The following ANAPC1 variants were observed in gnomAD, a reference collection of about 807,000 sequenced individuals.
ANAPC1 encodes the protein anaphase promoting complex subunit 1.
Under a neutral mutation model 208.0 loss-of-function variants are expected in ANAPC1, and 36 were observed. That is an observed-to-expected ratio of 0.17 (90% CI 0.13 to 0.23). The LOEUF is 0.23. Among genes scored for constraint, ANAPC1 ranks in the 10% least tolerant of loss-of-function variants. ANAPC1 has a pLI of 1.00. For synonymous variants in ANAPC1, 378 were observed against 695.2 expected (o/e 0.54, Z 7.18); for missense variants, 942 against 2,011.6 (o/e 0.47, Z 10.17).
chr2:111,875,650 T>C (rs1291458916), intron 3 of ANAPC1, among the ~76,000 whole-genome samples: 1 of 152,132 alleles, frequency 6.6e-6, no homozygotes, highest in Non-Finnish European at 1.5e-5. Flanking sequence ...ACAAAATTGA[T>C]CGCTTCCATT....
chr2:111,860,165 G>A (rs190764625), intron 10 of ANAPC1, among the ~76,000 whole-genome samples: 13 of 151,902 alleles, frequency 8.6e-5, no homozygotes, highest in East Asian at 1.9e-4. Context: ...CAGGCGTGGC[G>A]GTGTGTGCTT....
rs1327982610 is a variant in ANAPC1, at chr2:111,797,993, C to T, written c.4296+2804G>A. Among the ~76,000 whole-genome samples, 19 of 128,588 alleles carry T rather than the reference C, an allele frequency of 1.5e-4. 1 individual carries two copies. The highest frequency in any genetic ancestry group is 8.0e-5 in the Admixed American group (1 of 12,434). 84.4% of individuals were successfully genotyped at this position (128,588 alleles called of 152,430 possible). ...GGTCTATCTGCGCCAAGAAAGATGG[C>T]AAAAGCTACAATTAAAAGCTCATAA... On this transcript the variant is annotated intron_variant, in intron 34 of 47. Transcript: ENST00000341068.
At chr2:111,831,097 C>T (rs1230537689) in intron 21 of ANAPC1, among the ~76,000 whole-genome samples, 189 bp downstream of exon 21, 1 of 152,116 alleles carries the variant, frequency 6.6e-6, no homozygotes, top group African/African-American at 2.4e-5. Flanking sequence ...GGATAAGTCT[C>T]GAAATCATGA....
At chr2:111,837,610 CAAA>C (rs34106530) in intron 18 of ANAPC1, among the ~76,000 whole-genome samples, 9 of 141,766 alleles carry the variant, frequency 6.3e-5, no homozygotes, top group African/African-American at 1.5e-4. Context: ...GACTCCGTCT[CAAA>C]AAAAAAAAAA....
intron 47 of ANAPC1, 149 bp from the exon 48 acceptor site, chr2:111,769,555 G>A (rs9753310): frequency 0.16 from 98,874 of 606,776 alleles, 7,089 homozygotes; most frequent in East Asian, 0.2. Flanking sequence ...TTAAAATTAT[G>A]AAATTCCTTA....
At chr2:111,808,600 T>C (rs1678815363) in intron 29 of ANAPC1, among the ~76,000 whole-genome samples, 2 of 152,154 alleles carry the variant, frequency 1.3e-5, no homozygotes, top group South Asian at 4.2e-4. Flanking sequence ...CAAAACAATC[T>C]ACTCTGAGTT....
In ANAPC1 at chr2:111,794,247, C is replaced by T; in HGVS notation, c.4450G>A (p.Ala1484Thr). 2 of 1,612,422 alleles carry T rather than the reference C, an allele frequency of 1.2e-6. No individual in the cohort carries two copies. The highest frequency in any genetic ancestry group is 1.7e-6 in the Non-Finnish European group (2 of 1,179,346). Residue 1484 changes from alanine (A) to threonine (T), a missense_variant, in exon 36 of 48, where the codon GCA becomes ACA. Coordinates refer to ENST00000341068, the MANE Select transcript of ANAPC1 (RefSeq NM_022662.4). ...FRFAGSENLS[A>T]FNCLHKFAKD... is the part of the protein sequence containing the mutation. ...ATACTTCTTACCAAACAGTTAAATGCTGATAAGTTTTCTGAGCCAGCAAAT... is the reference window on the plus strand; with the variant it reads ...ATACTTCTTACCAAACAGTTAAATGTTGATAAGTTTTCTGAGCCAGCAAAT...
At chr2:111,849,637 T>C (rs1273979765) in intron 14 of ANAPC1, among the ~76,000 whole-genome samples, 6 of 152,162 alleles carry the variant, frequency 3.9e-5, no homozygotes, top group Non-Finnish European at 8.8e-5. Flanking sequence ...CCACATCACC[T>C]TTCCCCAGCC....
intron 18 of ANAPC1, among the ~76,000 whole-genome samples, chr2:111,836,147 C>T (rs1224683782): frequency 1.3e-5 from 2 of 151,880 alleles, no homozygotes; most frequent in East Asian, 4.0e-4. Flanking sequence ...GCCATCATGC[C>T]TGGCTAATTT....
chr2:111,810,882 C>CAA (rs1162540899), intron 28 of ANAPC1, among the ~76,000 whole-genome samples: 1,482 of 71,706 alleles, frequency 0.021, 48 homozygotes, highest in African/African-American at 0.044. Context: ...GACTCCACAT[C>CAA]AAAAAAAAAA....
chr2:111,791,768 G>A (rs1677886978), intron 38 of ANAPC1, among the ~76,000 whole-genome samples: 2 of 152,004 alleles, frequency 1.3e-5, no homozygotes, highest in East Asian at 1.9e-4. Flanking sequence ...ATTGAGAGGG[G>A]TGCATGGCAG....
At chr2:111,864,989 G>A in intron 7 of ANAPC1, 38 bp from the exon 8 acceptor site, 3 of 1,568,442 alleles carry the variant, frequency 1.9e-6, no homozygotes, top group South Asian at 1.2e-5. Context: ...ATAGAACAAT[G>A]GGCTTTACAA....
intron 9 of ANAPC1, 75 bp from the exon 10 acceptor site, chr2:111,862,673 T>C (rs1682140522): frequency 2.6e-6 from 4 of 1,523,580 alleles, no homozygotes; most frequent in Non-Finnish European, 2.6e-6. Context: ...CCAATGACAC[T>C]TCCAAAAATT....
chr2:111,847,814 C>G lies in ANAPC1; in HGVS notation c.1702G>C (p.Asp568His). 2 of 1,602,468 alleles carry G rather than the reference C, an allele frequency of 1.2e-6. No homozygotes were observed. The highest frequency in any genetic ancestry group is 1.7e-6 in the Non-Finnish European group (2 of 1,175,674). The change falls in exon 15 of 48, where the codon GAT (aspartate) becomes CAT (histidine). Residue 568 changes from aspartate to histidine, a missense_variant. By Grantham distance (81) the Asp-to-His change is moderately conservative. Transcript: ENST00000341068. ...GTACAATCCTCATTATAGAGAGAAT[C>G]ATGAAGTTTTGAAGAATCCCTCAGT... Reference protein sequence around the residue: ...PELRDSSKLHDSLYNEDCTFQ... With the variant: ...PELRDSSKLHHSLYNEDCTFQ...
Position 111,788,338 on chromosome 2 carries a change from T to C in ANAPC1, c.4713-18A>G, listed in dbSNP as rs375958434. The stretch of plus-strand genomic sequence containing the variant: ...AAGAGTACCTGCAAAGTAAGTTCGG[T>C]GGGGACAGATGTTATTGATTATATT... On this transcript the variant is annotated intron_variant, in intron 38 of 47. Coordinates refer to ENST00000341068, the MANE Select transcript of ANAPC1 (RefSeq NM_022662.4). 4.3e-3 allele frequency: 6,999 copies of C among 1,613,054 alleles called. 7 individuals are homozygous for C. Among genetic ancestry groups the C allele is most frequent in the Non-Finnish European group, 5.3e-3 (6,231 of 1,179,224 alleles).
chr2:111,830,150 GACT>G (rs1195400452), intron 21 of ANAPC1, among the ~76,000 whole-genome samples: 1 of 152,142 alleles, frequency 6.6e-6, no homozygotes, highest in Admixed American at 6.5e-5. Context: ...CAATTTTAAA[GACT>G]TACTATAAAG....
chr2:111,880,144 C>G (rs908030183), intron 2 of ANAPC1, among the ~76,000 whole-genome samples: 1 of 152,082 alleles, frequency 6.6e-6, no homozygotes, highest in African/African-American at 2.4e-5. Flanking sequence ...GAGGCCGAGG[C>G]GGGTGGATCA....
intron 13 of ANAPC1, among the ~76,000 whole-genome samples, chr2:111,854,036 T>C (rs1382721600): frequency 6.6e-6 from 1 of 152,142 alleles, no homozygotes; most frequent in East Asian, 1.9e-4. Context: ...TCAGTGGACT[T>C]TGCCAGATCT....
At chr2:111,871,280 A>T (rs1041851038) in intron 6 of ANAPC1, among the ~76,000 whole-genome samples, 3 of 152,120 alleles carry the variant, frequency 2.0e-5, no homozygotes, top group South Asian at 2.1e-4. Context: ...CAGGATGATC[A>T]TTTTCACAAT....
Sources: gnomAD v4.1 joint callset for allele counts (sites outside exome capture counted in the v4.1 genomes callset) on GRCh38, gnomAD v4.1.1 for gene constraint, MANE v1.5 for transcripts, NCBI Gene and HGNC (gene_info 2026-07-23, HGNC 2026-07-21) for gene names.